Variants in PIK3C3 observed in about 807,000 individuals in gnomAD.
The protein encoded by PIK3C3 is PI3-kinase type 3.
A neutral mutation model predicts 126.1 loss-of-function variants in PIK3C3; 95 were observed. That is an observed-to-expected ratio of 0.75 (90% confidence interval 0.64 to 0.89). PIK3C3 has a LOEUF of 0.89. PIK3C3 is among the 40% of genes least tolerant of loss of function. PIK3C3 has a pLI of 0.00. For missense variants in PIK3C3, 829 were observed against 1,063.2 expected, an observed-to-expected ratio of 0.78 and a Z score of 3.06; for synonymous variants, 374 against 360.0, an observed-to-expected ratio of 1.04 and a Z score of -0.44.
intron 1 of PIK3C3, 21 bp from the exon 2 acceptor site, chr18:41,957,549 T>C (rs1260880033): frequency 6.3e-7 from 1 of 1,599,742 alleles, no homozygotes; most frequent in Admixed American, 1.8e-5. Flanking sequence ...GTCTGAAACA[T>C]TGTTGGTCTT....
Position 41,972,382 on chromosome 18 carries a change from A to C in PIK3C3, c.531+1926A>C, listed in dbSNP as rs542996830. ...TCCTTAGAGTAGCCAAGTGGATCCT[A>C]CTTTTTCAAGAGATAGTTATTAAAA... On this transcript the variant is annotated intron_variant, in intron 4 of 24. Transcript: ENST00000262039. Among the ~76,000 whole-genome samples, 3 of 152,152 alleles carry C rather than the reference A, an allele frequency of 2.0e-5. No homozygotes were observed. In the East Asian group the frequency reaches 5.8e-4, roughly 29 times the overall value.
chr18:42,057,862 G>T lies in PIK3C3; in HGVS notation c.2264-21G>T, dbSNP rs374275009. On this transcript the variant is annotated intron_variant, in intron 21 of 24. Coordinates refer to ENST00000262039, the MANE Select transcript of PIK3C3 (RefSeq NM_002647.4). Reference sequence around the variant, plus strand: ...CTTTAAGATAATTCTGGAAACAAATGAGTTTCTTGTCAACATCCAGGCAAA... The same window carrying T: ...CTTTAAGATAATTCTGGAAACAAATTAGTTTCTTGTCAACATCCAGGCAAA... 22 of 1,611,548 alleles carry T rather than the reference G, an allele frequency of 1.4e-5. No individual in the cohort carries two copies. The African/African-American group carries it at 2.8e-4, about 21-fold the overall frequency.
In PIK3C3 at chr18:42,083,333, T is replaced by A; in HGVS notation, c.*2196T>A. Reference sequence around the variant, plus strand: ...TATTTCAAGCATGATGTTTTGAGTTTGAGAAATGTATTTGTGAGGACACAT... The same window carrying A: ...TATTTCAAGCATGATGTTTTGAGTTAGAGAAATGTATTTGTGAGGACACAT... On this transcript the variant is annotated 3_prime_UTR_variant, in exon 25 of 25. Transcript: ENST00000262039. 6.6e-6 allele frequency: 1 copy of A among 152,188 alleles called. No individual in the cohort carries two copies. Among genetic ancestry groups the A allele is most frequent in the East Asian group, 1.9e-4 (1 of 5,186 alleles). The allele number at this position is 152,188 out of a possible 1,614,324, so 9.4% of individuals were successfully genotyped here.
At chr18:42,058,948 C>T (rs8088221) in intron 22 of PIK3C3, among the ~76,000 whole-genome samples, 2,341 of 152,280 alleles carry the variant, frequency 0.015, 56 homozygotes, top group African/African-American at 0.053. Context: ...AGCCAGTTGC[C>T]TGTGCACATG....
At chr18:41,969,033 A>C (rs1425749418) in intron 3 of PIK3C3, among the ~76,000 whole-genome samples, 1 of 151,642 alleles carries the variant, frequency 6.6e-6, no homozygotes, top group Non-Finnish European at 1.5e-5. Context: ...TGCCCAGGCT[A>C]GTCTCAAACT....
At chr18:42,034,057 C>G in intron 16 of PIK3C3, 100 bp downstream of exon 16, 2 of 713,226 alleles carry the variant, frequency 2.8e-6, no homozygotes, top group South Asian at 2.7e-5. Context: ...GAGATCACAT[C>G]TATAATTCTA....
chr18:41,995,757 A>T, intron 7 of PIK3C3, 133 bp from the exon 8 acceptor site: 1 of 652,386 alleles, frequency 1.5e-6, no homozygotes, highest in Non-Finnish European at 2.7e-6. Flanking sequence ...TATGTAGAAG[A>T]CTGCTAAAGT....
intron 4 of PIK3C3, among the ~76,000 whole-genome samples, chr18:41,985,746 T>C (rs1469796828): frequency 2.0e-5 from 3 of 152,122 alleles, no homozygotes; most frequent in Non-Finnish European, 4.4e-5. Flanking sequence ...ATACATTCTT[T>C]AGTAGCTCTT....
intron 13 of PIK3C3, among the ~76,000 whole-genome samples, chr18:42,024,179 G>A (rs940836481): frequency 9.2e-5 from 14 of 152,164 alleles, no homozygotes; most frequent in Admixed American, 7.2e-4. Context: ...CCAGGAAACA[G>A]GTAGCCCACT....
At chr18:42,072,061 C>T (rs1985796252) in intron 24 of PIK3C3, among the ~76,000 whole-genome samples, 1 of 152,114 alleles carries the variant, frequency 6.6e-6, no homozygotes, top group African/African-American at 2.4e-5. Flanking sequence ...CTTTGAAACT[C>T]ACTTGTCTAC....
intron 24 of PIK3C3, among the ~76,000 whole-genome samples, chr18:42,076,133 T>TGCAC (rs1555643382): frequency 7.6e-5 from 7 of 91,796 alleles, no homozygotes; most frequent in African/African-American, 3.8e-4. Flanking sequence ...CGCATATATA[T>TGCAC]ATATATATAT....
chr18:42,080,273 C>A (rs984432058), intron 24 of PIK3C3, among the ~76,000 whole-genome samples: 5 of 151,880 alleles, frequency 3.3e-5, no homozygotes, highest in African/African-American at 1.2e-4. Flanking sequence ...ATAAATCTTG[C>A]CAATTTTTTT....
intron 3 of PIK3C3, among the ~76,000 whole-genome samples, chr18:41,966,530 T>G (rs1054431537): frequency 2.0e-5 from 3 of 152,160 alleles, no homozygotes; most frequent in African/African-American, 7.2e-5. Context: ...CTTCCACTTA[T>G]TTTAAAAGAA....
chr18:42,009,579 G>GTATGTAGACTACATTATGTAATGTACAT (rs1345724447), intron 10 of PIK3C3, among the ~76,000 whole-genome samples: 1 of 151,758 alleles, frequency 6.6e-6, no homozygotes, highest in African/African-American at 2.4e-5. Context: ...TGTAGTCTAA[G>GTATGTAGACTACATTATGTAATGTACAT]TATGTAGACT....
intron 19 of PIK3C3, among the ~76,000 whole-genome samples, chr18:42,042,082 A>G (rs1984348033): frequency 6.6e-6 from 1 of 152,164 alleles, no homozygotes; most frequent in African/African-American, 2.4e-5. Context: ...TATGCTTTAT[A>G]CTAAACAATC....
intron 22 of PIK3C3, 123 bp from the exon 23 acceptor site, chr18:42,064,617 T>A (rs1598948465): frequency 3.4e-6 from 2 of 585,110 alleles, no homozygotes; most frequent in Non-Finnish European, 3.1e-6. Context: ...ATGAATTTTC[T>A]GCTGGAATAA....
chr18:42,019,235 T>G (rs1033520762), intron 12 of PIK3C3, among the ~76,000 whole-genome samples: 1 of 152,170 alleles, frequency 6.6e-6, no homozygotes, highest in African/African-American at 2.4e-5. Flanking sequence ...CAAGTATGTG[T>G]TAGAATTTTC....
Position 41,962,604 on chromosome 18 carries a change from A to G in PIK3C3, c.373A>G (p.Thr125Ala), listed in dbSNP as rs538343557. The change falls in exon 3 of 25, where the codon ACA becomes GCA. Residue 125 changes from threonine (T) to alanine (A), a missense_variant. Thr to Ala is a moderately conservative substitution (Grantham distance 58, BLOSUM62 0). Transcript: ENST00000262039. ...GPGKAVPVGG[T>A]TVSLFGKYGM... ...CGGAAAAGCAGTGCCTGTAGGAGGA[A>G]CAACGGTTTCGCTCTTTGGAAAATA... 3 of 1,611,816 alleles carry G rather than the reference A, an allele frequency of 1.9e-6. No individual in the cohort carries two copies. Among genetic ancestry groups the G allele is most frequent in the South Asian group, 1.1e-5 (1 of 90,826 alleles).
chr18:42,002,899 C>T (rs1040551487), intron 9 of PIK3C3, among the ~76,000 whole-genome samples: 5 of 152,152 alleles, frequency 3.3e-5, no homozygotes, highest in Non-Finnish European at 7.3e-5. Context: ...GGAATGGATT[C>T]AGGAGATTAG....
Sources: gnomAD v4.1 joint callset for allele counts (sites outside exome capture counted in the v4.1 genomes callset) on GRCh38, gnomAD v4.1.1 for gene constraint, MANE v1.5 for transcripts, NCBI Gene and HGNC (gene_info 2026-07-23, HGNC 2026-07-21) for gene names.